Variants in KCNK18 observed in about 807,000 individuals in gnomAD.
KCNK18 encodes the protein potassium channel subfamily K member 18.
In KCNK18, 8 loss-of-function variants were observed where a neutral mutation model predicts 11.8. That is an observed-to-expected ratio of 0.68 (90% CI 0.40 to 1.22). The LOEUF (loss-of-function observed/expected upper bound fraction) is 1.22. KCNK18 is among the 50% of genes most tolerant of loss of function. KCNK18 has a pLI of 0.01. For synonymous variants in KCNK18, 208 were observed against 185.8 expected, an observed-to-expected ratio of 1.12 and a Z score of -0.97; for missense variants, 442 against 465.4, an observed-to-expected ratio of 0.95 and a Z score of 0.46.
intron 2 of KCNK18, among the ~76,000 whole-genome samples, chr10:117,208,060 G>A (rs776928595): frequency 2.0e-5 from 3 of 152,124 alleles, no homozygotes; most frequent in African/African-American, 2.4e-5. Flanking sequence ...AGACCTCAGC[G>A]CATCCCTTCC....
In KCNK18 at chr10:117,209,666, C is replaced by A; in HGVS notation, c.522C>A (p.Arg174=). ...NRFRKFPFFT[R]PLLSKWCPKS... The stretch of plus-strand genomic sequence containing the variant: ...TCCGAAAATTCCCTTTCTTTACCCG[C>A]CCCCTCCTCTCCAAGTGGTGCCCCA... Residue 174 remains arginine, a synonymous_variant, in exon 3 of 3, where the codon CGC becomes CGA. Transcript: ENST00000334549. 6.2e-7 allele frequency: 1 copy of A among 1,614,088 alleles called. No homozygotes were observed. Among genetic ancestry groups the A allele is most frequent in the Non-Finnish European group, 8.5e-7 (1 of 1,180,018 alleles).
intron 2 of KCNK18, among the ~76,000 whole-genome samples, chr10:117,203,656 C>T (rs754464206): frequency 7.2e-5 from 11 of 152,238 alleles, no homozygotes; most frequent in East Asian, 1.9e-4. Flanking sequence ...TTTCCTGTCT[C>T]GGTCTCCCGA....
intron 1 of KCNK18, among the ~76,000 whole-genome samples, chr10:117,200,163 C>T (rs1385804802): frequency 1.3e-5 from 2 of 152,302 alleles, no homozygotes; most frequent in Non-Finnish European, 2.9e-5. Context: ...CTGCAACCTC[C>T]ACTCCCCAGG....
In KCNK18 at chr10:117,200,814, G is replaced by GAA. The variant is rs36101740; in HGVS notation, c.224-334_224-333dup. Among the ~76,000 whole-genome samples the GAA allele has an allele frequency of 2.7e-3, 389 of 145,272 alleles. 1 individual carries two copies. Among genetic ancestry groups the GAA allele is most frequent in the Middle Eastern group, 0.01 (3 of 286 alleles). On this transcript the variant is annotated intron_variant, in intron 1 of 2. Transcript: ENST00000334549. ...CAACAGAGCAAGACTCTTGTCTCAA[G>GAA]AAAAAAAAAAAACAGATGAAAGAAA...
rs1274147777 is a variant in KCNK18, at chr10:117,197,506, C to T, written c.18C>T (p.His6=). The change falls in exon 1 of 3, where the codon CAC becomes CAT. Residue 6 remains histidine (H), a synonymous_variant. Transcript: ENST00000334549. MEVSG[H]PQARRCCPEA... Reference sequence around the variant, plus strand: ...CAGGGACGATGGAGGTCTCGGGGCACCCCCAGGCCAGGAGATGCTGCCCAG... The same window carrying T: ...CAGGGACGATGGAGGTCTCGGGGCATCCCCAGGCCAGGAGATGCTGCCCAG... 1 of 1,613,236 alleles carries T rather than the reference C, an allele frequency of 6.2e-7. No individual in the cohort carries two copies. The highest frequency in any genetic ancestry group is 8.5e-7 in the Non-Finnish European group (1 of 1,179,962).
chr10:117,205,027 C>G (rs1410023403), intron 2 of KCNK18, among the ~76,000 whole-genome samples: 1 of 152,214 alleles, frequency 6.6e-6, no homozygotes, highest in African/African-American at 2.4e-5. Context: ...GAATGTTCCG[C>G]ACTGTCCATA....
At chr10:117,205,289 A>T (rs887914170) in intron 2 of KCNK18, among the ~76,000 whole-genome samples, 5 of 152,194 alleles carry the variant, frequency 3.3e-5, no homozygotes, top group Non-Finnish European at 5.9e-5. Context: ...CTAAGAAATA[A>T]TGAGTTCCAT....
intron 1 of KCNK18, 26 bp downstream of exon 1, chr10:117,197,737 G>A (rs1224938547): frequency 6.2e-7 from 1 of 1,602,864 alleles, no homozygotes; most frequent in South Asian, 1.1e-5. Context: ...GGACAGGGTG[G>A]GCCTTTTCTC....
chr10:117,201,116 A>G (rs766192300), intron 1 of KCNK18, 43 bp from the exon 2 acceptor site: 14 of 1,613,168 alleles, frequency 8.7e-6, no homozygotes, highest in Middle Eastern at 1.6e-4. Context: ...TGTCTTTACC[A>G]GCAGAACCTT....
In KCNK18 at chr10:117,210,211, A is replaced by G. The variant is rs1421357436; in HGVS notation, c.1067A>G (p.Lys356Arg). 2 of 1,614,046 alleles carry G rather than the reference A, an allele frequency of 1.2e-6. No homozygotes were observed. The highest frequency in any genetic ancestry group is 1.3e-5 in the African/African-American group (1 of 74,924). Residue 356 changes from lysine to arginine, a missense_variant, in exon 3 of 3, where the codon AAG (lysine) becomes AGG (arginine). Physicochemically the swap from Lys to Arg is conservative, Grantham distance 26. Coordinates refer to ENST00000334549, the MANE Select transcript of KCNK18 (RefSeq NM_181840.1). ...VGMEIVFIAF[K>R]LVQNRLIDIY... Reference sequence around the variant, plus strand: ...ATGGAGATTGTGTTCATTGCTTTCAAGTTGGTGCAAAACAGGCTGATTGAC... The same window carrying G: ...ATGGAGATTGTGTTCATTGCTTTCAGGTTGGTGCAAAACAGGCTGATTGAC...
At position 117,209,714 on chromosome 10, in the gene KCNK18, G is replaced by A. The variant is rs752333582; in HGVS notation, c.570G>A (p.Pro190=). The change falls in exon 3 of 3, where the codon CCG becomes CCA. Residue 190 remains proline, a synonymous_variant. Transcript: ENST00000334549. ...CCAAATCTCTCTTCAAGAAAAAACCGGACCCCAAGCCCGCAGATGAAGCTG... is the reference window on the plus strand; with the variant it reads ...CCAAATCTCTCTTCAAGAAAAAACCAGACCCCAAGCCCGCAGATGAAGCTG... ...WCPKSLFKKK[P]DPKPADEAVP... is the part of the protein sequence containing the mutation. The A allele has an allele frequency of 8.8e-5, 142 of 1,613,534 alleles. No individual in the cohort carries two copies. Among genetic ancestry groups the A allele is most frequent in the Middle Eastern group, 1.6e-4 (1 of 6,084 alleles).
chr10:117,207,981 G>C (rs1213124144), intron 2 of KCNK18, among the ~76,000 whole-genome samples: 1 of 152,214 alleles, frequency 6.6e-6, no homozygotes, highest in East Asian at 1.9e-4. Flanking sequence ...GCGCTGTGGG[G>C]TTTGAGGTCT....
At position 117,201,145 on chromosome 10, in the gene KCNK18, A is replaced by G. The variant is rs757998896; in HGVS notation, c.224-14A>G. 12 of 1,614,128 alleles carry G rather than the reference A, an allele frequency of 7.4e-6. No individual in the cohort carries two copies. In the South Asian group the frequency reaches 1.1e-4, roughly 15 times the overall value. On this transcript the variant is annotated splice_polypyrimidine_tract_variant and intron_variant, in intron 1 of 2. Coordinates refer to ENST00000334549, the MANE Select transcript of KCNK18 (RefSeq NM_181840.1). ...GAACCTTTTCCTCAAACTCTTGGTC[A>G]TGTCTTTCTCCAGTGGTGGAAGACA...
intron 2 of KCNK18, among the ~76,000 whole-genome samples, chr10:117,207,231 G>A (rs1036852348): frequency 9.2e-5 from 14 of 152,078 alleles, no homozygotes; most frequent in Middle Eastern, 3.2e-3. Context: ...GTTTTGCCAC[G>A]TTGGCCAGGC....
intron 2 of KCNK18, among the ~76,000 whole-genome samples, chr10:117,206,311 C>T (rs1430180043): frequency 2.6e-5 from 4 of 152,138 alleles, no homozygotes; most frequent in Non-Finnish European, 5.9e-5. Flanking sequence ...CTCGTGGCCA[C>T]ATCACTCTTG....
intron 2 of KCNK18, among the ~76,000 whole-genome samples, chr10:117,203,369 A>T (rs1465172883): frequency 6.6e-6 from 1 of 152,148 alleles, no homozygotes; most frequent in Non-Finnish European, 1.5e-5. Context: ...AGAGGGAATC[A>T]CTGTGAGGGA....
intron 1 of KCNK18, among the ~76,000 whole-genome samples, chr10:117,198,830 C>G (rs1310280811): frequency 1.3e-4 from 20 of 152,166 alleles, no homozygotes; most frequent in Admixed American, 1.3e-3. Flanking sequence ...CGCCAGCCTG[C>G]TCAGTGGACC....
At chr10:117,200,374 G>A (rs1050608571) in intron 1 of KCNK18, among the ~76,000 whole-genome samples, 7 of 152,136 alleles carry the variant, frequency 4.6e-5, no homozygotes, top group African/African-American at 1.4e-4. Context: ...CATCGTGCCC[G>A]GCAAACTCCA....
chr10:117,201,425 G>A, intron 2 of KCNK18, 138 bp downstream of exon 2: 1 of 907,610 alleles, frequency 1.1e-6, no homozygotes, highest in Non-Finnish European at 1.7e-6. Context: ...AATCTATATT[G>A]CACACCTACA....
Sources: allele counts gnomAD v4.1 joint callset (sites outside exome capture counted in the v4.1 genomes callset), GRCh38; gene constraint gnomAD v4.1.1; transcripts MANE v1.5; gene names NCBI Gene and HGNC (gene_info 2026-07-23, HGNC 2026-07-21).